HABP4: variants seen among roughly 807,000 people sequenced by gnomAD.
HABP4 encodes intracellular hyaluronan-binding protein 4.
A neutral mutation model predicts 44.1 loss-of-function variants in HABP4; 32 were observed. That is an observed-to-expected ratio of 0.73 (90% CI 0.55 to 0.97). HABP4 has a LOEUF of 0.97. Ranked by LOEUF, HABP4 falls within the 50% of genes least tolerant of loss-of-function variation. The pLI is 0.00. For missense variants in HABP4, 503 were observed against 561.9 expected, an observed-to-expected ratio of 0.90 and a Z score of 1.06; for synonymous variants, 216 against 218.0, an observed-to-expected ratio of 0.99 and a Z score of 0.08.
rs1833022498 is a variant in HABP4 at position 96,488,773 on chromosome 9, T to TGCTGGCCTCC, written c.1185+501_1185+502insTGGCCTCCGC. ...CAGCACGCTCCTTACCCCTGGCCTC[T>TGCTGGCCTCC]GCCTGCTGGCCTCCATTCATCCTTC... is the stretch of plus-strand genomic sequence containing the variant. On this transcript the variant is annotated intron_variant, in intron 7 of 7. Transcript: ENST00000375249. This position sits in a 1 kb window ranked among gnomAD's most constrained non-coding sequence, Gnocchi z 4.6. 6.6e-6 allele frequency among the ~76,000 whole-genome samples: 1 copy of TGCTGGCCTCC among 152,150 alleles called. No homozygotes were observed. Among genetic ancestry groups the TGCTGGCCTCC allele is most frequent in the Admixed American group, 6.5e-5 (1 of 15,274 alleles).
chr9:96,462,778 C>T (rs1359111339), intron 2 of HABP4, among the ~76,000 whole-genome samples: 2 of 151,700 alleles, frequency 1.3e-5, no homozygotes, highest in East Asian at 1.9e-4. Flanking sequence ...GGTAGTTAGC[C>T]GAGTGTGGTG....
At position 96,450,510 on chromosome 9, in the gene HABP4, G is replaced by C; in HGVS notation, c.231G>C (p.Gly77=). The C allele has an allele frequency of 8.2e-7, 1 of 1,216,936 alleles. No individual in the cohort carries two copies. The highest frequency in any genetic ancestry group is 1.0e-6 in the Non-Finnish European group (1 of 978,422). The allele number at this position is 1,216,936 out of a possible 1,614,324, so 75.4% of individuals were successfully genotyped here. Residue 77 remains glycine, a synonymous_variant, in exon 1 of 8, where the codon GGG becomes GGC. Coordinates refer to ENST00000375249, the MANE Select transcript of HABP4 (RefSeq NM_014282.4). The surrounding 1 kb of genome is among the most constrained non-coding windows in gnomAD (Gnocchi z 4.8). ...CCCGCGGCGGCAGGAGCCCAGCCGG[G>C]GCCTCGGGCCACAGAGCCGGCGCGG... ...AGPRGGRSPA[G]ASGHRAGAGG...
chr9:96,454,897 C>T (rs973139037), intron 1 of HABP4, among the ~76,000 whole-genome samples: 5 of 152,048 alleles, frequency 3.3e-5, no homozygotes, highest in Non-Finnish European at 5.9e-5. Flanking sequence ...GAGGATCACT[C>T]GAGCTCTGGG....
At position 96,488,629 on chromosome 9, in the gene HABP4, G is replaced by A. The variant is rs1833017978; in HGVS notation, c.1185+355G>A. Among the ~76,000 whole-genome samples, 1 of 152,196 alleles carries A rather than the reference G, an allele frequency of 6.6e-6. No homozygotes were observed. Among genetic ancestry groups the A allele is most frequent in the Non-Finnish European group, 1.5e-5 (1 of 68,038 alleles). On this transcript the variant is annotated intron_variant, in intron 7 of 7. Transcript: ENST00000375249. The surrounding 1 kb of genome is among the most constrained non-coding windows in gnomAD (Gnocchi z 4.6). ...CTTGGGCTCAGGTGATGCTGTCAGAGTGGACAGAATCCTCCCTAAGATCTC... is the reference window on the plus strand; with the variant it reads ...CTTGGGCTCAGGTGATGCTGTCAGAATGGACAGAATCCTCCCTAAGATCTC...
rs567316514 is a variant in HABP4 at position 96,468,917 on chromosome 9, T to C, written c.744-2094T>C. On this transcript the variant is annotated intron_variant, in intron 4 of 7. Transcript: ENST00000375249. ...CTACTTTTGATTAGTGAGAAGAAAG[T>C]GGAGGTGAGCCTAACACAGTAAGTA... is the stretch of plus-strand genomic sequence containing the variant. Among the ~76,000 whole-genome samples, 4 of 152,162 alleles carry C rather than the reference T, an allele frequency of 2.6e-5. No homozygotes were observed. In the East Asian group the frequency reaches 7.7e-4, roughly 29 times the overall value.
intron 5 of HABP4, among the ~76,000 whole-genome samples, chr9:96,481,238 C>T (rs551953492): frequency 4.6e-5 from 7 of 152,156 alleles, no homozygotes; most frequent in African/African-American, 1.4e-4. Context: ...GGATTACAGG[C>T]GTGTGCCACC....
At chr9:96,463,564 T>C (rs1019572078) in intron 2 of HABP4, among the ~76,000 whole-genome samples, 3 of 152,146 alleles carry the variant, frequency 2.0e-5, no homozygotes, top group African/African-American at 7.2e-5. Context: ...CTGCTTTAGA[T>C]ATTTGCTATA....
At position 96,488,486 on chromosome 9, in the gene HABP4, G is replaced by A. The variant is rs1054317480; in HGVS notation, c.1185+212G>A. ...GTAGCCCTGGCTTCCAGGGTCTGCT[G>A]TGAAGGCACTCCCGGGATCAGAGAG... is the stretch of plus-strand genomic sequence containing the variant. On this transcript the variant is annotated intron_variant, in intron 7 of 7. Coordinates refer to ENST00000375249, the MANE Select transcript of HABP4 (RefSeq NM_014282.4). The surrounding 1 kb of genome is among the most constrained non-coding windows in gnomAD (Gnocchi z 4.6). Among the ~76,000 whole-genome samples, 2 of 152,172 alleles carry A rather than the reference G, an allele frequency of 1.3e-5. No homozygotes were observed. Among genetic ancestry groups the A allele is most frequent in the African/African-American group, 4.8e-5 (2 of 41,438 alleles).
chr9:96,472,858 C>G (rs577546854), intron 5 of HABP4, among the ~76,000 whole-genome samples: 2 of 152,244 alleles, frequency 1.3e-5, no homozygotes, highest in African/African-American at 2.4e-5. Context: ...AAACAGTCAC[C>G]ATGTCTCCAG....
intron 6 of HABP4, among the ~76,000 whole-genome samples, chr9:96,485,620 C>T (rs549379979): frequency 6.6e-6 from 1 of 152,246 alleles, no homozygotes; most frequent in East Asian, 1.9e-4. Flanking sequence ...GGAGAGGTTT[C>T]GGGGAAACAT....
intron 6 of HABP4, among the ~76,000 whole-genome samples, chr9:96,486,391 A>G (rs75258843): frequency 0.015 from 2,268 of 152,264 alleles, 27 homozygotes; most frequent in Non-Finnish European, 0.023. Flanking sequence ...TTGGTTCTTA[A>G]CCTGTCCACT....
At chr9:96,470,383 G>A (rs1564164090) in intron 4 of HABP4, among the ~76,000 whole-genome samples, 1 of 151,992 alleles carries the variant, frequency 6.6e-6, no homozygotes, top group East Asian at 2.0e-4. Context: ...CACCCTCCTT[G>A]GCCTCCCAAA....
intron 5 of HABP4, among the ~76,000 whole-genome samples, chr9:96,480,549 AC>A (rs1168001747): frequency 6.6e-6 from 1 of 152,230 alleles, no homozygotes; most frequent in Non-Finnish European, 1.5e-5. Flanking sequence ...ATCTATACTT[AC>A]CACTACCTAA....
At chr9:96,454,479 C>T (rs1051537149) in intron 1 of HABP4, among the ~76,000 whole-genome samples, 21 of 131,246 alleles carry the variant, frequency 1.6e-4, no homozygotes, top group African/African-American at 6.1e-4. Context: ...GAGACGGAGT[C>T]TCGCTCTGTT....
At position 96,486,809 on chromosome 9, in the gene HABP4, C is replaced by T. The variant is rs192435150; in HGVS notation, c.1000-1280C>T. On this transcript the variant is annotated intron_variant, in intron 6 of 7. Transcript: ENST00000375249. ...CGTAAGGCACTGGGCGGTGAAAGCA[C>T]TTGGGCCAGGGCCAGCTGGAGCTGC... 4.6e-5 allele frequency among the ~76,000 whole-genome samples: 7 copies of T among 152,174 alleles called. No individual in the cohort carries two copies. In the East Asian group the frequency reaches 1.3e-3, roughly 29 times the overall value.
At chr9:96,480,173 T>G (rs1832851204) in intron 5 of HABP4, among the ~76,000 whole-genome samples, 1 of 152,086 alleles carries the variant, frequency 6.6e-6, no homozygotes, top group South Asian at 2.1e-4. Flanking sequence ...AGACCCTGTC[T>G]CAAAACAAAA....
chr9:96,475,715 G>A (rs1832776374), intron 5 of HABP4, among the ~76,000 whole-genome samples: 1 of 152,228 alleles, frequency 6.6e-6, no homozygotes, highest in Non-Finnish European at 1.5e-5. Flanking sequence ...TGGAAGGTAA[G>A]AGCTGCCAGG....
chr9:96,468,256 A>ATTT (rs768235429), intron 4 of HABP4, among the ~76,000 whole-genome samples: 1 of 122,810 alleles, frequency 8.1e-6, no homozygotes, highest in African/African-American at 3.0e-5. Context: ...TACACCCAGC[A>ATTT]TTTTTTTTTT....
intron 4 of HABP4, among the ~76,000 whole-genome samples, chr9:96,470,320 A>T (rs1035880683): frequency 6.6e-6 from 1 of 151,766 alleles, no homozygotes; most frequent in African/African-American, 2.4e-5. Context: ...TAGTAGAGAC[A>T]GGGTTTCACC....
Sources: allele counts gnomAD v4.1 joint callset (sites outside exome capture counted in the v4.1 genomes callset), GRCh38; gene constraint gnomAD v4.1.1; non-coding constraint Gnocchi (gnomAD v3.1); transcripts MANE v1.5; gene names NCBI Gene and HGNC (gene_info 2026-07-23, HGNC 2026-07-21).